WDPCP: variants seen among roughly 807,000 people sequenced by gnomAD.
The protein encoded by WDPCP is WD repeat-containing and planar cell polarity effector protein fritz homolog.
WDPCP carries 71 observed loss-of-function variants against 93.1 expected under a neutral mutation model. The observed-to-expected ratio is 0.76, with a 90% confidence interval of 0.63 to 0.93. WDPCP has a LOEUF of 0.93. WDPCP is among the 40% of genes least tolerant of loss of function. The pLI, the probability that WDPCP is intolerant of heterozygous loss-of-function variation, is 0.00. For missense variants in WDPCP, 844 were observed against 887.4 expected (o/e 0.95, Z 0.62); for synonymous variants, 315 against 315.0 (o/e 1.00, Z 0.00).
intron 17 of WDPCP, among the ~76,000 whole-genome samples, chr2:63,135,499 T>C (rs1257056641): frequency 6.6e-6 from 1 of 151,868 alleles, no homozygotes; most frequent in Non-Finnish European, 1.5e-5. Context: ...GCCCAGCTAA[T>C]TTTTGCATTT....
At chr2:63,588,167 A>G in intron 1 of WDPCP, 30 bp downstream of exon 1, 1 of 1,553,184 alleles carries the variant, frequency 6.4e-7, no homozygotes. Flanking sequence ...AGGTTAAAAG[A>G]AAACCCCTTG....
chr2:63,693,480 T>C (rs990160896), intron 2 of WDPCP, among the ~76,000 whole-genome samples: 2 of 149,492 alleles, frequency 1.3e-5, no homozygotes, highest in Non-Finnish European at 3.0e-5. Flanking sequence ...GATAGATAGA[T>C]AGATAGAATT....
intron 2 of WDPCP, among the ~76,000 whole-genome samples, chr2:63,807,951 GA>G (rs1240426645): frequency 2.0e-5 from 3 of 152,152 alleles, no homozygotes; most frequent in Non-Finnish European, 4.4e-5. Context: ...CCATCTGTCA[GA>G]AAACAATCAA....
At chr2:63,677,855 G>A (rs1473611908) in intron 2 of WDPCP, among the ~76,000 whole-genome samples, 6 of 152,000 alleles carry the variant, frequency 3.9e-5, no homozygotes, top group African/African-American at 1.4e-4. Flanking sequence ...CAATGGATAG[G>A]GTAAATGCGT....
intron 2 of WDPCP, among the ~76,000 whole-genome samples, chr2:63,671,323 C>A (rs952838778): frequency 6.6e-6 from 1 of 152,204 alleles, no homozygotes; most frequent in Non-Finnish European, 1.5e-5. Flanking sequence ...TACTAACAGT[C>A]CCATTTCTCA....
At chr2:63,722,353 G>C (rs1057050511) in intron 2 of WDPCP, among the ~76,000 whole-genome samples, 1 of 149,518 alleles carries the variant, frequency 6.7e-6, no homozygotes, top group African/African-American at 2.5e-5. Flanking sequence ...CCCATCGTCT[G>C]AGATGTGGGG....
chr2:63,604,780 GTCAACCATGC>G, intron 3 of WDPCP: 1 of 1,614,142 alleles, frequency 6.2e-7, no homozygotes, highest in South Asian at 1.1e-5. Context: ...GTATCCAGAT[GTCAACCATGC>G]CAAGGTGAAA....
chr2:63,701,263 C>T (rs1266203879), intron 2 of WDPCP, among the ~76,000 whole-genome samples: 1 of 152,102 alleles, frequency 6.6e-6, no homozygotes, highest in African/African-American at 2.4e-5. Context: ...AAATGCTCAA[C>T]ATTGCTAGTC....
chr2:63,521,618 C>A (rs979023058), intron 1 of WDPCP, among the ~76,000 whole-genome samples: 2 of 152,144 alleles, frequency 1.3e-5, no homozygotes, highest in African/African-American at 4.8e-5. Context: ...GACAGATCAT[C>A]AAGGCAGAAA....
chr2:63,388,120 A>C (rs1208492810), intron 10 of WDPCP, among the ~76,000 whole-genome samples: 1 of 152,110 alleles, frequency 6.6e-6, no homozygotes, highest in Non-Finnish European at 1.5e-5. Context: ...TTAGAAAAAA[A>C]AATAAACTAA....
chr2:63,141,745 C>A (rs1382552077), intron 17 of WDPCP, among the ~76,000 whole-genome samples: 1 of 152,108 alleles, frequency 6.6e-6, no homozygotes, highest in Non-Finnish European at 1.5e-5. Context: ...TCCTGTGAAT[C>A]CATCTGGCCT....
intron 2 of WDPCP, among the ~76,000 whole-genome samples, chr2:63,769,004 G>T (rs766089756): frequency 6.6e-6 from 1 of 151,938 alleles, no homozygotes; most frequent in Non-Finnish European, 1.5e-5. Flanking sequence ...AGTTGCAGAG[G>T]CTTTTCAGTA....
chr2:63,536,303 G>A (rs535474874), intron 1 of WDPCP, among the ~76,000 whole-genome samples: 13 of 152,272 alleles, frequency 8.5e-5, no homozygotes, highest in East Asian at 1.9e-4. Context: ...ACAGTGTGGC[G>A]ATTCCTCAAG....
chr2:63,466,333 G>A (rs566120424), intron 6 of WDPCP, among the ~76,000 whole-genome samples: 49 of 150,492 alleles, frequency 3.3e-4, no homozygotes, highest in African/African-American at 1.0e-3. Flanking sequence ...AAAAACTAAG[G>A]GACATATAAA....
intron 2 of WDPCP, among the ~76,000 whole-genome samples, chr2:63,651,514 T>C (rs1194208097): frequency 6.6e-6 from 1 of 151,824 alleles, no homozygotes; most frequent in African/African-American, 2.4e-5. Context: ...GCTCATACAA[T>C]GTGCAATGTG....
chr2:63,826,211 G>GGATACT (rs1219591488), intron 1 of WDPCP, among the ~76,000 whole-genome samples: 1 of 151,868 alleles, frequency 6.6e-6, no homozygotes, highest in Non-Finnish European at 1.5e-5. Context: ...ATAGGATACA[G>GGATACT]GATACTGTAT....
intron 13 of WDPCP, among the ~76,000 whole-genome samples, chr2:63,265,191 A>T (rs1681991925): frequency 6.6e-6 from 1 of 152,176 alleles, no homozygotes; most frequent in African/African-American, 2.4e-5. Flanking sequence ...GAGAAAAAGG[A>T]AACAAAATAG....
chr2:63,752,428 T>C, intron 2 of WDPCP: 1 of 763,518 alleles, frequency 1.3e-6, no homozygotes, highest in African/African-American at 1.7e-5. Context: ...CATTCGTGGC[T>C]GCATCCACCT....
chr2:63,453,037 G>A (rs1420735344), intron 6 of WDPCP, among the ~76,000 whole-genome samples: 1 of 152,264 alleles, frequency 6.6e-6, no homozygotes, highest in East Asian at 1.9e-4. Context: ...GCATGGACAA[G>A]GACTTCATGT....
Sources: gnomAD v4.1 joint callset for allele counts (sites outside exome capture counted in the v4.1 genomes callset) on GRCh38, gnomAD v4.1.1 for gene constraint, MANE v1.5 for transcripts, NCBI Gene and HGNC (gene_info 2026-07-23, HGNC 2026-07-21) for gene names.